Variants in RSU1 observed in about 807,000 individuals in gnomAD.
RSU1 encodes Ras suppressor protein 1.
RSU1 carries 26 observed loss-of-function variants against 31.1 expected under a neutral mutation model. The observed-to-expected ratio is 0.84, with a 90% CI of 0.61 to 1.16. The LOEUF (loss-of-function observed/expected upper bound fraction) is 1.16, where lower values mean the gene tolerates loss of function less well. Ranked by LOEUF, RSU1 falls within the 50% of genes most tolerant of loss-of-function variation. The pLI, the probability that RSU1 is intolerant of heterozygous loss-of-function variation, is 0.00. For missense variants in RSU1, 320 were observed against 339.1 expected, an observed-to-expected ratio of 0.94 and a Z score of 0.44; for synonymous variants, 164 against 136.3, an observed-to-expected ratio of 1.20 and a Z score of -1.41.
intron 7 of RSU1, among the ~76,000 whole-genome samples, chr10:16,708,826 T>TA (rs1199612915): frequency 2.0e-5 from 3 of 151,520 alleles, no homozygotes; most frequent in African/African-American, 4.9e-5. Flanking sequence ...TTTTTTTTTT[T>TA]AAGCTATCGT....
chr10:16,699,726 G>A (rs999655932), intron 7 of RSU1, among the ~76,000 whole-genome samples: 2 of 152,198 alleles, frequency 1.3e-5, no homozygotes, highest in African/African-American at 4.8e-5. Flanking sequence ...ACGCTGGCTG[G>A]CTCCCAGACA....
At chr10:16,799,242 T>C (rs895899087) in intron 2 of RSU1, among the ~76,000 whole-genome samples, 2 of 152,140 alleles carry the variant, frequency 1.3e-5, no homozygotes, top group African/African-American at 2.4e-5. Context: ...GGTTAGCAAA[T>C]AGAGATTCTG....
chr10:16,775,285 C>T (rs1452566514), intron 3 of RSU1, among the ~76,000 whole-genome samples: 5 of 152,102 alleles, frequency 3.3e-5, no homozygotes, highest in Admixed American at 1.3e-4. Context: ...GGATCAGCCC[C>T]GCACATGGGC....
At chr10:16,773,298 G>T (rs138615091) in intron 3 of RSU1, among the ~76,000 whole-genome samples, 2 of 152,306 alleles carry the variant, frequency 1.3e-5, no homozygotes, top group East Asian at 3.9e-4. Flanking sequence ...TATGTTTAGG[G>T]TCACTGCATG....
Position 16,754,853 on chromosome 10 carries a change from G to A in RSU1, c.400+18C>T. ...AAGTACAAGGTTGAGGAGATTTATA[G>A]AATTGAAAGTTTCTTACTCAGGTAG... On this transcript the variant is annotated intron_variant, in intron 5 of 8. Transcript: ENST00000345264. The A allele has an allele frequency of 4.1e-6, 6 of 1,473,272 alleles. No individual in the cohort carries two copies. Among genetic ancestry groups the A allele is most frequent in the Non-Finnish European group, 5.7e-6 (6 of 1,054,308 alleles). 91.3% of individuals were successfully genotyped at this position (1,473,272 alleles called of 1,614,324 possible).
At chr10:16,722,096 G>C (rs1246156152) in intron 7 of RSU1, among the ~76,000 whole-genome samples, 4 of 152,192 alleles carry the variant, frequency 2.6e-5, no homozygotes, top group Non-Finnish European at 5.9e-5. Context: ...TTTTGAGAGA[G>C]AGATACTACA....
intron 8 of RSU1, among the ~76,000 whole-genome samples, chr10:16,687,903 G>C (rs1308018686): frequency 3.3e-5 from 5 of 151,696 alleles, no homozygotes; most frequent in South Asian, 2.1e-4. Flanking sequence ...TTCATTTTCT[G>C]TACAGACGAA....
At chr10:16,772,685 T>C (rs1459424409) in intron 3 of RSU1, among the ~76,000 whole-genome samples, 3 of 138,450 alleles carry the variant, frequency 2.2e-5, no homozygotes, top group Non-Finnish European at 4.7e-5. Context: ...CTTCAATCCA[T>C]CAATGGAAAA....
chr10:16,794,097 G>C (rs563056001), intron 2 of RSU1, among the ~76,000 whole-genome samples: 1 of 152,210 alleles, frequency 6.6e-6, no homozygotes, highest in African/African-American at 2.4e-5. Context: ...TTCAGATTCT[G>C]GGACTTGCAT....
chr10:16,785,526 A>ATACACATATATACATATATACATAT (rs1240281059), intron 2 of RSU1, among the ~76,000 whole-genome samples: 21 of 141,802 alleles, frequency 1.5e-4, no homozygotes, highest in East Asian at 1.2e-3. Context: ...ATATATATAT[A>ATACACATATATACATATATACATAT]ATATTAGTTC....
chr10:16,771,569 C>T (rs541620100), intron 3 of RSU1, among the ~76,000 whole-genome samples: 9 of 152,034 alleles, frequency 5.9e-5, no homozygotes, highest in Non-Finnish European at 1.3e-4. Flanking sequence ...CTCACTCTCG[C>T]GTAGGAATAA....
At chr10:16,711,147 A>T (rs1167955034) in intron 7 of RSU1, among the ~76,000 whole-genome samples, 4 of 152,152 alleles carry the variant, frequency 2.6e-5, no homozygotes, top group Non-Finnish European at 4.4e-5. Flanking sequence ...AGTAGTTTGT[A>T]TATGTCCAAG....
intron 8 of RSU1, among the ~76,000 whole-genome samples, chr10:16,668,250 A>G (rs1835037685): frequency 6.6e-6 from 1 of 152,222 alleles, no homozygotes; most frequent in Admixed American, 6.5e-5. Context: ...TATTATCATT[A>G]TTTGACCTTG....
At position 16,766,917 on chromosome 10, in the gene RSU1, C is replaced by T. The variant is rs575222282; in HGVS notation, c.161-2407G>A. On this transcript the variant is annotated intron_variant, in intron 3 of 8. Transcript: ENST00000345264. ...GCGCATGCCTGTAGTTCCAGCTACT[C>T]GGGAAGCTGAGGCAGGAGAATCGCT... Among the ~76,000 whole-genome samples the T allele has an allele frequency of 1.8e-4, 27 of 150,524 alleles. No homozygotes were observed. In the South Asian group the frequency reaches 3.8e-3, roughly 21 times the overall value.
chr10:16,773,906 A>C (rs1367951760), intron 3 of RSU1, among the ~76,000 whole-genome samples: 1 of 152,200 alleles, frequency 6.6e-6, no homozygotes, highest in East Asian at 1.9e-4. Context: ...GGTGACTAGA[A>C]CAAAGAATAG....
rs533417232 is a variant in RSU1, at chr10:16,685,303, G to C, written c.731+9720C>G. Among the ~76,000 whole-genome samples, 33 of 152,242 alleles carry C rather than the reference G, an allele frequency of 2.2e-4. 1 individual carries two copies. The highest frequency in any genetic ancestry group is 8.5e-4 in the Admixed American group (13 of 15,294). On this transcript the variant is annotated intron_variant, in intron 8 of 8. Transcript: ENST00000345264. ...TTAAAAATGAACTGTTACAGGAAAG[G>C]GGTCGCGATCCAGACCCTAAGAGAG...
chr10:16,779,114 A>C (rs981853147), intron 3 of RSU1, among the ~76,000 whole-genome samples: 3 of 152,174 alleles, frequency 2.0e-5, no homozygotes, highest in Admixed American at 6.5e-5. Flanking sequence ...GCATATATAC[A>C]TATCTAGGAA....
At chr10:16,767,320 C>T (rs939445352) in intron 3 of RSU1, 1 of 152,230 alleles carries the variant, frequency 6.6e-6, no homozygotes. Flanking sequence ...CCCGAAGTTA[C>T]TCTGCCAGTG....
intron 3 of RSU1, among the ~76,000 whole-genome samples, chr10:16,779,762 C>G (rs1837611551): frequency 6.6e-6 from 1 of 152,094 alleles, no homozygotes. Context: ...GCCACTTACA[C>G]TTAATGCATA....
Sources: allele counts gnomAD v4.1 joint callset (sites outside exome capture counted in the v4.1 genomes callset), GRCh38; gene constraint gnomAD v4.1.1; transcripts MANE v1.5; gene names NCBI Gene and HGNC (gene_info 2026-07-23, HGNC 2026-07-21).